The following TENM3 variants were observed in gnomAD, a reference collection of about 807,000 sequenced individuals.
TENM3 encodes the protein teneurin-3.
In TENM3, 63 loss-of-function variants were observed where a neutral mutation model predicts 255.1. The observed-to-expected ratio is 0.25, with a 90% CI of 0.20 to 0.30. The LOEUF (loss-of-function observed/expected upper bound fraction) is 0.30. Among genes scored for constraint, TENM3 ranks in the 10% least tolerant of loss-of-function variants. The pLI is 1.00. For synonymous variants in TENM3, 1,306 were observed against 1,322.3 expected (o/e 0.99, Z 0.27); for missense variants, 2,929 against 3,461.1 (o/e 0.85, Z 3.86).
chr4:182,326,864 C>T lies in TENM3; in HGVS notation c.232+2612C>T, dbSNP rs115177552. Among the ~76,000 whole-genome samples, 673 of 152,182 alleles carry T rather than the reference C, an allele frequency of 4.4e-3. 5 individuals are homozygous for T. The highest frequency in any genetic ancestry group is 0.015 in the African/African-American group (616 of 41,520). On this transcript the variant is annotated intron_variant, in intron 2 of 27. Transcript: ENST00000511685. Reference sequence around the variant, plus strand: ...AGCCCATTTTAGTCAATTTTGAATTCGAATGTTCATGGTGTGGATAGTGAG... The same window carrying T: ...AGCCCATTTTAGTCAATTTTGAATTTGAATGTTCATGGTGTGGATAGTGAG...
the TENM3 span, among the ~76,000 whole-genome samples, chr4:181,601,501 G>A: frequency 3.9e-5 from 6 of 152,126 alleles, no homozygotes; most frequent in African/African-American, 1.4e-4. Context: ...CCCCCTGCAT[G>A]CACACATCCC....
intron 3 of TENM3, among the ~76,000 whole-genome samples, chr4:182,446,648 CG>C (rs1387431608): frequency 6.7e-6 from 1 of 150,198 alleles, no homozygotes; most frequent in African/African-American, 2.5e-5. Flanking sequence ...TTTTAAGAGA[CG>C]GAGTCTCCCT....
chr4:181,638,321 A>G, the TENM3 span, among the ~76,000 whole-genome samples: 2 of 152,334 alleles, frequency 1.3e-5, no homozygotes, highest in South Asian at 4.1e-4. Context: ...ACTGGGACTC[A>G]TTCATTCAAT....
the TENM3 span, among the ~76,000 whole-genome samples, chr4:181,854,030 G>T: frequency 6.6e-6 from 1 of 152,134 alleles, no homozygotes; most frequent in Non-Finnish European, 1.5e-5. Flanking sequence ...ACAACCAGTT[G>T]GTTCTTAATA....
chr4:182,357,186 A>G lies in TENM3; in HGVS notation c.511+10257A>G, dbSNP rs191847880. Among the ~76,000 whole-genome samples the G allele has an allele frequency of 4.0e-3, 602 of 152,118 alleles. 4 individuals are homozygous for G. The highest frequency in any genetic ancestry group is 0.014 in the African/African-American group (584 of 41,474). ...AGTGCCTCAATAAACATACGTGTGC[A>G]TGTGTCTTTATAGCAGCATGATTTA... is the stretch of plus-strand genomic sequence containing the variant. On this transcript the variant is annotated intron_variant, in intron 3 of 27. Transcript: ENST00000511685.
chr4:182,440,074 C>T (rs751249643), intron 3 of TENM3, among the ~76,000 whole-genome samples: 3 of 150,224 alleles, frequency 2.0e-5, no homozygotes, highest in Admixed American at 6.6e-5. Context: ...CATTATAGAA[C>T]GAAACCCCCT....
chr4:182,336,861 T>C (rs1328965882), intron 2 of TENM3, among the ~76,000 whole-genome samples: 1 of 81,164 alleles, frequency 1.2e-5, no homozygotes, highest in Non-Finnish European at 2.8e-5. Flanking sequence ...TTTTTTTTTT[T>C]CTTGTGTTCC....
intron 1 of TENM3, among the ~76,000 whole-genome samples, chr4:182,308,061 G>C (rs567348764): frequency 1.2e-4 from 19 of 152,264 alleles, no homozygotes; most frequent in African/African-American, 4.1e-4. Flanking sequence ...ATCCTCTGCC[G>C]TGGTTTATAA....
In TENM3 at chr4:182,460,101, A is replaced by G. The variant is rs147592369; in HGVS notation, c.511+113172A>G. ...TGGAAGGAGACCACTTGAAGGTTTT[A>G]TTAACCTCTGCAGTGTGAAAGTGAA... On this transcript the variant is annotated intron_variant, in intron 3 of 27. Coordinates refer to ENST00000511685, the MANE Select transcript of TENM3 (RefSeq NM_001080477.4). 2.9e-3 allele frequency among the ~76,000 whole-genome samples: 449 copies of G among 152,278 alleles called. 3 individuals are homozygous for G. Among genetic ancestry groups the G allele is most frequent in the Admixed American group, 8.1e-3 (124 of 15,284 alleles).
chr4:181,546,055 TC>T, the TENM3 span, among the ~76,000 whole-genome samples: 1 of 152,180 alleles, frequency 6.6e-6, no homozygotes, highest in Non-Finnish European at 1.5e-5. Flanking sequence ...TGCCACGGTT[TC>T]CCTATCTGAC....
At chr4:182,609,839 A>T (rs537067281) in intron 4 of TENM3, among the ~76,000 whole-genome samples, 2 of 152,352 alleles carry the variant, frequency 1.3e-5, no homozygotes, top group East Asian at 3.9e-4. Flanking sequence ...TTAAGATGTC[A>T]TGTGAAGTAC....
chr4:182,101,127 GA>G, the TENM3 span, among the ~76,000 whole-genome samples: 4 of 81,466 alleles, frequency 4.9e-5, no homozygotes, highest in African/African-American at 1.7e-4. Flanking sequence ...AGGAAGGAAA[GA>G]AGGAAGGAAG....
At chr4:181,883,126 C>CTTTTTTTTTTATTTTTTTTTTTTTTT in the TENM3 span, among the ~76,000 whole-genome samples, 1 of 106,690 alleles carries the variant, frequency 9.4e-6, no homozygotes, top group Admixed American at 1.1e-4. Context: ...TGCAATTAAT[C>CTTTTTTTTTTATTTTTTTTTTTTTTT]TTTTTTTTTT....
At chr4:182,192,778 G>T (rs1405320122) in intron 1 of TENM3, among the ~76,000 whole-genome samples, 1 of 152,114 alleles carries the variant, frequency 6.6e-6, no homozygotes, top group Non-Finnish European at 1.5e-5. Context: ...TGTATGTAGG[G>T]GTTGAACAAC....
At chr4:182,508,075 C>T (rs1737021056) in intron 3 of TENM3, among the ~76,000 whole-genome samples, 1 of 152,088 alleles carries the variant, frequency 6.6e-6, no homozygotes, top group African/African-American at 2.4e-5. Flanking sequence ...TGAAACAGTT[C>T]ATTTAACCCT....
the TENM3 span, among the ~76,000 whole-genome samples, chr4:182,009,502 G>A: frequency 2.0e-5 from 3 of 152,122 alleles, no homozygotes; most frequent in Non-Finnish European, 4.4e-5. Flanking sequence ...GATGCACTCT[G>A]GCCACAGACT....
chr4:181,810,937 T>C, the TENM3 span, among the ~76,000 whole-genome samples: 1 of 151,882 alleles, frequency 6.6e-6, no homozygotes, highest in African/African-American at 2.4e-5. Context: ...AATATCAATA[T>C]AGAGAGAGGC....
chr4:181,504,068 C>T, the TENM3 span, among the ~76,000 whole-genome samples: 1 of 152,194 alleles, frequency 6.6e-6, no homozygotes, highest in South Asian at 2.1e-4. Flanking sequence ...CTTTAGTTAC[C>T]TGGTTTACAC....
At chr4:181,986,329 C>G in the TENM3 span, among the ~76,000 whole-genome samples, 1 of 151,920 alleles carries the variant, frequency 6.6e-6, no homozygotes, top group African/African-American at 2.4e-5. Context: ...GTGTGTGTTC[C>G]TGATGCCACC....
Sources: allele counts gnomAD v4.1 joint callset (sites outside exome capture counted in the v4.1 genomes callset), GRCh38; gene constraint gnomAD v4.1.1; transcripts MANE v1.5; gene names NCBI Gene and HGNC (gene_info 2026-07-23, HGNC 2026-07-21).